Variants in NKAIN3 observed in about 807,000 individuals in gnomAD.
The protein encoded by NKAIN3 is sodium/potassium transporting ATPase interacting 3, also known as sodium/potassium-transporting ATPase subunit beta-1-interacting protein 3.
In NKAIN3, 25 loss-of-function variants were observed where a neutral mutation model predicts 30.2. That is an observed-to-expected ratio of 0.83 (90% confidence interval 0.60 to 1.16). The LOEUF is 1.16. NKAIN3 is among the 50% of genes most tolerant of loss of function. NKAIN3 has a pLI of 0.00. For synonymous variants in NKAIN3, 91 were observed against 89.6 expected (o/e 1.02, Z -0.09); for missense variants, 225 against 254.1 (o/e 0.89, Z 0.78).
chr8:62,570,573 G>A (rs1809903736), intron 1 of NKAIN3, among the ~76,000 whole-genome samples: 3 of 152,086 alleles, frequency 2.0e-5, no homozygotes, highest in Non-Finnish European at 4.4e-5. Flanking sequence ...AAAACTATCA[G>A]ATATCGTGAG....
At chr8:62,960,456 A>T (rs1044691389) in intron 6 of NKAIN3, among the ~76,000 whole-genome samples, 1 of 152,096 alleles carries the variant, frequency 6.6e-6, no homozygotes, top group African/African-American at 2.4e-5. Flanking sequence ...ATTGATTTCA[A>T]TGGCAAGAAA....
At chr8:62,451,286 T>TCCCCTCCCCTCCCCTC (rs1805633180) in intron 1 of NKAIN3, among the ~76,000 whole-genome samples, 1 of 142,540 alleles carries the variant, frequency 7.0e-6, no homozygotes, top group Non-Finnish European at 1.6e-5. Flanking sequence ...TCTCTCCCCT[T>TCCCCTCCCCTCCCCTC]CCCTCCCCTC....
At chr8:62,375,546 G>A (rs4380935) in intron 1 of NKAIN3, among the ~76,000 whole-genome samples, 21,048 of 152,014 alleles carry the variant, frequency 0.14, 1,739 homozygotes, top group East Asian at 0.4. Context: ...TCTGAACTTC[G>A]ATTGATTTTT....
At chr8:62,259,453 G>A (rs1812362673) in intron 1 of NKAIN3, among the ~76,000 whole-genome samples, 1 of 152,146 alleles carries the variant, frequency 6.6e-6, no homozygotes, top group Non-Finnish European at 1.5e-5. Flanking sequence ...AAACTAATTA[G>A]TGTTAATGTG....
intron 1 of NKAIN3, among the ~76,000 whole-genome samples, chr8:62,544,475 A>T (rs2129906795): frequency 6.6e-6 from 1 of 152,308 alleles, no homozygotes; most frequent in East Asian, 1.9e-4. Context: ...TACTACTCAG[A>T]TACAAACACT....
In NKAIN3 at chr8:62,400,490, A is replaced by G. The variant is rs10091479; in HGVS notation, c.54+151363A>G. ...CCTGGTCAAATGCTATATTTTCTAG[A>G]AATCGGATGTTTTGTTAAGATTGAC... On this transcript the variant is annotated intron_variant, in intron 1 of 6. Coordinates refer to ENST00000623646, the MANE Select transcript of NKAIN3 (RefSeq NM_001304533.3). Among the ~76,000 whole-genome samples, 1,468 of 152,156 alleles carry G rather than the reference A, an allele frequency of 9.6e-3. 25 individuals carry two copies. The highest frequency in any genetic ancestry group is 0.034 in the African/African-American group (1,402 of 41,520).
chr8:62,929,866 C>T (rs921633079), intron 5 of NKAIN3, among the ~76,000 whole-genome samples: 4 of 152,072 alleles, frequency 2.6e-5, no homozygotes, highest in African/African-American at 9.7e-5. Context: ...TCTTTTAGCT[C>T]ATCAACTATC....
At chr8:62,869,203 G>GTTA (rs1432384663) in intron 4 of NKAIN3, among the ~76,000 whole-genome samples, 1 of 152,182 alleles carries the variant, frequency 6.6e-6, no homozygotes, top group Admixed American at 6.5e-5. Context: ...GTGCAGGTTT[G>GTTA]TTATATAGGT....
intron 5 of NKAIN3, among the ~76,000 whole-genome samples, chr8:62,929,426 C>G (rs1344774314): frequency 6.6e-6 from 1 of 152,166 alleles, no homozygotes; most frequent in Non-Finnish European, 1.5e-5. Flanking sequence ...TATTTACTCA[C>G]CCACGTGTTT....
At chr8:62,751,992 T>A (rs1013869722) in intron 4 of NKAIN3, among the ~76,000 whole-genome samples, 1 of 152,196 alleles carries the variant, frequency 6.6e-6, no homozygotes, top group African/African-American at 2.4e-5. Flanking sequence ...TGTTCTTTTT[T>A]CACTTGTTCA....
chr8:62,521,399 A>G (rs1808153598), intron 1 of NKAIN3, among the ~76,000 whole-genome samples: 1 of 152,152 alleles, frequency 6.6e-6, no homozygotes, highest in African/African-American at 2.4e-5. Context: ...CTGAGCAAGC[A>G]CTTAGCTATG....
At chr8:62,272,849 A>T (rs969432049) in intron 1 of NKAIN3, among the ~76,000 whole-genome samples, 1 of 152,176 alleles carries the variant, frequency 6.6e-6, no homozygotes, top group Non-Finnish European at 1.5e-5. Context: ...TAATTTTTTT[A>T]AAATTTTTGT....
intron 1 of NKAIN3, among the ~76,000 whole-genome samples, chr8:62,402,511 G>A (rs968101130): frequency 4.0e-5 from 6 of 151,844 alleles, no homozygotes; most frequent in African/African-American, 4.8e-5. Flanking sequence ...TTGAATCATC[G>A]GGGTGGTTTC....
At chr8:62,506,355 C>T (rs75394382) in intron 1 of NKAIN3, among the ~76,000 whole-genome samples, 4,763 of 152,040 alleles carry the variant, frequency 0.031, 288 homozygotes, top group African/African-American at 0.11. Flanking sequence ...ACACCCCTCC[C>T]GTAAAACAAC....
intron 4 of NKAIN3, among the ~76,000 whole-genome samples, chr8:62,794,469 G>C (rs1196158084): frequency 6.6e-6 from 1 of 152,144 alleles, no homozygotes; most frequent in Non-Finnish European, 1.5e-5. Flanking sequence ...TTCTGAAGCG[G>C]CTCTCTGGAA....
Position 62,951,970 on chromosome 8 carries a change from T to G in NKAIN3, c.533-1932T>G, listed in dbSNP as rs1175821109. Among the ~76,000 whole-genome samples, 20 of 151,902 alleles carry G rather than the reference T, an allele frequency of 1.3e-4. No individual in the cohort carries two copies. The East Asian group carries it at 3.9e-3, about 29-fold the overall frequency. The stretch of plus-strand genomic sequence containing the variant: ...GTGTGCCACCATGCCCAGCTAATTT[T>G]TTAATTTTTAATAGGGACAGGGTTT... On this transcript the variant is annotated intron_variant, in intron 5 of 6. Transcript: ENST00000623646.
At chr8:62,756,888 C>T (rs1816470812) in intron 4 of NKAIN3, among the ~76,000 whole-genome samples, 1 of 152,164 alleles carries the variant, frequency 6.6e-6, no homozygotes, top group South Asian at 2.1e-4. Flanking sequence ...AGCCCTGATG[C>T]TCATGATTAT....
intron 4 of NKAIN3, chr8:62,863,438 T>G: frequency 6.4e-7 from 1 of 1,554,592 alleles, no homozygotes. Context: ...TTGGTCTTAC[T>G]GTGTAGATAT....
intron 1 of NKAIN3, among the ~76,000 whole-genome samples, chr8:62,545,165 A>G (rs1808966579): frequency 6.6e-6 from 1 of 152,216 alleles, no homozygotes; most frequent in Non-Finnish European, 1.5e-5. Context: ...ATCCAAAAAT[A>G]CAATGCCTAT....
Sources: allele counts gnomAD v4.1 joint callset (sites outside exome capture counted in the v4.1 genomes callset), GRCh38; gene constraint gnomAD v4.1.1; transcripts MANE v1.5; gene names NCBI Gene and HGNC (gene_info 2026-07-23, HGNC 2026-07-21).